Variants in SACS observed in about 807,000 individuals in gnomAD.
The protein encoded by SACS is sacsin molecular chaperone.
SACS carries 197 observed loss-of-function variants against 348.0 expected under a neutral mutation model. The observed-to-expected ratio is 0.57, with a 90% CI of 0.50 to 0.64. The LOEUF (loss-of-function observed/expected upper bound fraction) is 0.64, where lower values mean the gene tolerates loss of function less well. Ranked by LOEUF, SACS falls within the 30% of genes least tolerant of loss-of-function variation. SACS has a pLI of 0.00. For missense variants in SACS, 4,999 were observed against 5,360.8 expected, an observed-to-expected ratio of 0.93 and a Z score of 2.11; for synonymous variants, 1,985 against 1,910.6, an observed-to-expected ratio of 1.04 and a Z score of -1.02.
intron 4 of SACS, among the ~76,000 whole-genome samples, chr13:23,369,221 G>A (rs1871239322): frequency 6.6e-6 from 1 of 152,096 alleles, no homozygotes; most frequent in South Asian, 2.1e-4. Flanking sequence ...AATTCAACCA[G>A]TGTTCTGATT....
At chr13:23,385,263 T>C (rs1367185144) in intron 2 of SACS, among the ~76,000 whole-genome samples, 1 of 152,192 alleles carries the variant, frequency 6.6e-6, no homozygotes, top group Non-Finnish European at 1.5e-5. Context: ...AATGAAATCT[T>C]GAACTCCTCA....
chr13:23,421,551 G>T (rs941632766), intron 1 of SACS, among the ~76,000 whole-genome samples: 1 of 152,030 alleles, frequency 6.6e-6, no homozygotes, highest in African/African-American at 2.4e-5. Context: ...CTGAACGTCC[G>T]TCTGAGTCCT....
intron 2 of SACS, among the ~76,000 whole-genome samples, chr13:23,404,912 A>T (rs568982746): frequency 3.3e-5 from 5 of 152,222 alleles, no homozygotes; most frequent in Non-Finnish European, 7.3e-5. Flanking sequence ...ATATGAGAGG[A>T]CACAAACAAA....
At chr13:23,375,448 G>A in intron 2 of SACS, 179 bp from the exon 3 acceptor site, 1 of 1,179,254 alleles carries the variant, frequency 8.5e-7, no homozygotes, top group Non-Finnish European at 1.0e-6. Flanking sequence ...GGCCCCGCGC[G>A]GGCCGGGAGG....
intron 3 of SACS, among the ~76,000 whole-genome samples, chr13:23,374,581 ATTC>A (rs1254851400): frequency 6.6e-6 from 1 of 152,232 alleles, no homozygotes; most frequent in African/African-American, 2.4e-5. Context: ...ACATAACAAT[ATTC>A]TTGTTTTCCA....
At chr13:23,371,431 A>C (rs1341908290) in intron 3 of SACS, among the ~76,000 whole-genome samples, 1 of 152,246 alleles carries the variant, frequency 6.6e-6, no homozygotes, top group Non-Finnish European at 1.5e-5. Flanking sequence ...TAAATTTTTA[A>C]ATGATGAATC....
intron 1 of SACS, among the ~76,000 whole-genome samples, chr13:23,429,386 G>A (rs1397595674): frequency 1.4e-4 from 11 of 81,188 alleles, no homozygotes; most frequent in South Asian, 4.5e-4. Flanking sequence ...TTTTTGAGAC[G>A]GAGTCTCGCT....
chr13:23,345,350 C>T (rs1176924237), intron 9 of SACS, among the ~76,000 whole-genome samples: 1 of 152,170 alleles, frequency 6.6e-6, no homozygotes, highest in African/African-American at 2.4e-5. Flanking sequence ...AAAGGGCAGC[C>T]TTCCTGCCAG....
At chr13:23,410,004 C>T (rs1359279354) in intron 2 of SACS, among the ~76,000 whole-genome samples, 2 of 151,986 alleles carry the variant, frequency 1.3e-5, no homozygotes, top group African/African-American at 4.8e-5. Flanking sequence ...ATTACCAATA[C>T]AAAGAAGTCA....
chr13:23,399,830 A>G (rs1488610241), intron 2 of SACS, among the ~76,000 whole-genome samples: 2 of 152,044 alleles, frequency 1.3e-5, no homozygotes, highest in African/African-American at 2.4e-5. Context: ...AGCCAGGAAG[A>G]TGCCAGCCTT....
chr13:23,404,051 G>A (rs545978329), intron 2 of SACS, among the ~76,000 whole-genome samples: 15 of 152,210 alleles, frequency 9.9e-5, no homozygotes, highest in South Asian at 6.2e-4. Flanking sequence ...TTAGTTGTGC[G>A]GTTTTGAGTG....
Position 23,332,210 on chromosome 13 carries a change from T to C in SACS, c.11666A>G (p.Gln3889Arg). ...RVVSGLFRSL[Q>R]NDSVKVRSDL... Reference sequence around the variant, plus strand: ...ACTCCTCACCTTGACTGAATCATTCTGTAGACTCCTGAACAGACCAGAAAC... The same window carrying C: ...ACTCCTCACCTTGACTGAATCATTCCGTAGACTCCTGAACAGACCAGAAAC... Residue 3889 changes from glutamine to arginine, a missense_variant, in exon 10 of 10, where the codon CAG becomes CGG. By Grantham distance (43) the Gln-to-Arg change is conservative. Around this residue, in one of 6 missense-constraint regions of SACS, gnomAD observed 831 missense variants for 941.8 expected, o/e 0.88. Transcript: ENST00000382292. 2 of 1,614,042 alleles carry C rather than the reference T, an allele frequency of 1.2e-6. No homozygotes were observed. The highest frequency in any genetic ancestry group is 1.7e-6 in the Non-Finnish European group (2 of 1,179,958).
chr13:23,418,069 A>T (rs1873756644), intron 1 of SACS, among the ~76,000 whole-genome samples: 1 of 151,870 alleles, frequency 6.6e-6, no homozygotes, highest in African/African-American at 2.4e-5. Context: ...TCAAAAAAAA[A>T]AAAAAAAAAA....
chr13:23,433,005 C>CT lies in SACS; in HGVS notation c.-502+609dup, dbSNP rs557589562. On this transcript the variant is annotated intron_variant, in intron 1 of 9. Coordinates refer to ENST00000382292, the MANE Select transcript of SACS (RefSeq NM_014363.6). ...AAGCTGGAATACTCTTTCAAAGAAT[C>CT]TAATGATCGCTTATTAGAATAAAAT... Among the ~76,000 whole-genome samples, 231 of 152,254 alleles carry CT rather than the reference C, an allele frequency of 1.5e-3. 2 individuals are homozygous for CT. Among genetic ancestry groups the CT allele is most frequent in the African/African-American group, 3.2e-3 (134 of 41,548 alleles).
At chr13:23,353,681 T>C (rs1453018820) in intron 9 of SACS, 104 bp downstream of exon 9, 3 of 675,516 alleles carry the variant, frequency 4.4e-6, no homozygotes, top group East Asian at 5.5e-5. Flanking sequence ...GCTTGAGCCA[T>C]AAGAAATTGT....
intron 2 of SACS, among the ~76,000 whole-genome samples, chr13:23,378,673 A>G (rs568361626): frequency 3.3e-5 from 5 of 152,126 alleles, no homozygotes; most frequent in African/African-American, 1.2e-4. Flanking sequence ...ACTCCTGACC[A>G]CAGGTGTTTC....
chr13:23,362,981 C>T (rs1870833041), intron 6 of SACS, among the ~76,000 whole-genome samples: 1 of 151,892 alleles, frequency 6.6e-6, no homozygotes, highest in African/African-American at 2.4e-5. Flanking sequence ...ACAGTCTCAG[C>T]TCACTGCAAC....
Position 23,355,381 on chromosome 13 carries a change from C to G in SACS, c.1231G>C (p.Ala411Pro). ...ATTGGGACAAATTTCAGTTCATCAG[C>G]TAAAGAGTCAAGCTTACTACTGATC... ...RGISSKLDSL[A>P]DELKFVPIIG... Residue 411 changes from alanine (A) to proline (P), a missense_variant, in exon 8 of 10, where the codon GCT becomes CCT. Ala to Pro is a conservative substitution (Grantham distance 27). Transcript: ENST00000382292. The G allele has an allele frequency of 6.2e-7, 1 of 1,614,128 alleles. No homozygotes were observed. The highest frequency in any genetic ancestry group is 8.5e-7 in the Non-Finnish European group (1 of 1,180,020).
intron 2 of SACS, among the ~76,000 whole-genome samples, chr13:23,384,051 ATACT>A (rs1299042929): frequency 6.6e-6 from 1 of 152,220 alleles, no homozygotes; most frequent in African/African-American, 2.4e-5. Flanking sequence ...TACTGATCTC[ATACT>A]TAAGTGGTTA....
Sources: gnomAD v4.1 joint callset for allele counts (sites outside exome capture counted in the v4.1 genomes callset) on GRCh38, gnomAD v4.1.1 for gene constraint, gnomAD v4.1.1 regional missense constraint, MANE v1.5 for transcripts, NCBI Gene and HGNC (gene_info 2026-07-23, HGNC 2026-07-21) for gene names.